The following GRIA1 variants were observed in gnomAD, a reference collection of about 807,000 sequenced individuals.
GRIA1 encodes the protein glutamate receptor 1.
GRIA1 carries 31 observed loss-of-function variants against 99.2 expected under a neutral mutation model. The ratio of observed to expected loss-of-function variants is 0.31; its 90% CI spans 0.23 to 0.42. The LOEUF (loss-of-function observed/expected upper bound fraction) is 0.42, where lower values mean the gene tolerates loss of function less well. Ranked by LOEUF, GRIA1 falls within the 10% of genes least tolerant of loss-of-function variation. The pLI is 1.00. For synonymous variants in GRIA1, 438 were observed against 432.4 expected, an observed-to-expected ratio of 1.01 and a Z score of -0.16; for missense variants, 782 against 1,157.5, an observed-to-expected ratio of 0.68 and a Z score of 4.71.
intron 11 of GRIA1, among the ~76,000 whole-genome samples, chr5:153,741,293 C>T (rs1332723675): frequency 2.0e-5 from 3 of 152,118 alleles, no homozygotes; most frequent in Non-Finnish European, 4.4e-5. Flanking sequence ...AATTCTTATA[C>T]ACTGTGAGTG....
intron 5 of GRIA1, among the ~76,000 whole-genome samples, chr5:153,668,971 T>C (rs1352369281): frequency 6.6e-6 from 1 of 152,192 alleles, no homozygotes; most frequent in Non-Finnish European, 1.5e-5. Context: ...TAGAACACAT[T>C]TGTGAAGAAG....
chr5:153,578,590 G>A (rs750560397), intron 2 of GRIA1, among the ~76,000 whole-genome samples: 6 of 152,160 alleles, frequency 3.9e-5, no homozygotes, highest in African/African-American at 7.2e-5. Context: ...AGTAGAAAGG[G>A]ATGTGGTCTC....
At chr5:153,705,371 T>C (rs1329469907) in intron 10 of GRIA1, among the ~76,000 whole-genome samples, 2 of 152,260 alleles carry the variant, frequency 1.3e-5, no homozygotes, top group South Asian at 2.1e-4. Flanking sequence ...AGAATGGTTC[T>C]CCTGCCAGAG....
At chr5:153,499,445 C>G (rs1281454863) in intron 2 of GRIA1, among the ~76,000 whole-genome samples, 1 of 151,726 alleles carries the variant, frequency 6.6e-6, no homozygotes, top group African/African-American at 2.4e-5. Flanking sequence ...GAAACCCCAT[C>G]TCTACTAAAA....
At chr5:153,559,739 A>G (rs1003659024) in intron 2 of GRIA1, among the ~76,000 whole-genome samples, 2 of 152,126 alleles carry the variant, frequency 1.3e-5, no homozygotes, top group Non-Finnish European at 2.9e-5. Context: ...CTCTATTATA[A>G]TCTTATGGGA....
At chr5:153,774,984 C>A (rs1352128478) in intron 13 of GRIA1, among the ~76,000 whole-genome samples, 2 of 152,144 alleles carry the variant, frequency 1.3e-5, no homozygotes, top group African/African-American at 4.8e-5. Flanking sequence ...TGTTGGCTGT[C>A]ACTGCATGTT....
At chr5:153,697,979 C>T (rs1758234904) in intron 8 of GRIA1, 65 bp from the exon 9 acceptor site, 1 of 808,916 alleles carries the variant, frequency 1.2e-6, no homozygotes. Flanking sequence ...GACTGGGTGA[C>T]CCAGAGCAGG....
At chr5:153,752,722 G>A (rs1194067167) in intron 11 of GRIA1, among the ~76,000 whole-genome samples, 2 of 152,106 alleles carry the variant, frequency 1.3e-5, no homozygotes, top group African/African-American at 4.8e-5. Flanking sequence ...TAAATAGTAT[G>A]GTACTCACAA....
chr5:153,645,425 C>T (rs963437080), intron 2 of GRIA1, among the ~76,000 whole-genome samples: 5 of 152,146 alleles, frequency 3.3e-5, no homozygotes, highest in African/African-American at 1.2e-4. Context: ...TGGTTAATTG[C>T]ATTCTTTATT....
Position 153,811,461 on chromosome 5 carries a change from C to T in GRIA1, c.*236C>T. 2 of 485,140 alleles carry T rather than the reference C, an allele frequency of 4.1e-6. No homozygotes were observed. The highest frequency in any genetic ancestry group is 3.3e-5 in the Admixed American group (1 of 30,248). The allele number at this position is 485,140 out of a possible 1,614,324, so 30.1% of individuals were successfully genotyped here. ...TTGCTAAGTGAGGATGAAAAAATAA[C>T]ACTGTACTGCAATAAGGGGAGAGTA... On this transcript the variant is annotated 3_prime_UTR_variant, in exon 16 of 16. Transcript: ENST00000285900.
At chr5:153,730,335 A>G (rs1760915628) in intron 11 of GRIA1, among the ~76,000 whole-genome samples, 2 of 152,074 alleles carry the variant, frequency 1.3e-5, no homozygotes, top group Non-Finnish European at 2.9e-5. Context: ...CTATAACTCC[A>G]GCACCTCCCA....
At chr5:153,655,934 T>C in intron 5 of GRIA1, 62 bp downstream of exon 5, 2 of 1,422,668 alleles carry the variant, frequency 1.4e-6, no homozygotes, top group Non-Finnish European at 2.0e-6. Context: ...CCTACCTTGC[T>C]TCTGTTGTCC....
chr5:153,731,905 C>T (rs1453384621), intron 11 of GRIA1, among the ~76,000 whole-genome samples: 1 of 151,996 alleles, frequency 6.6e-6, no homozygotes, highest in Non-Finnish European at 1.5e-5. Flanking sequence ...TCTTATTTCC[C>T]CCATTCCATG....
chr5:153,489,680 G>A (rs879211897), upstream of GRIA1: 122 of 405,486 alleles, frequency 3.0e-4, 1 homozygote, highest in South Asian at 1.6e-3. Flanking sequence ...CCTGAACACA[G>A]CTGATCTCTC....
intron 2 of GRIA1, among the ~76,000 whole-genome samples, chr5:153,543,910 G>C (rs1759366010): frequency 6.6e-6 from 1 of 152,080 alleles, no homozygotes; most frequent in South Asian, 2.1e-4. Context: ...GCAAATGCCA[G>C]GTGAAATATA....
intron 2 of GRIA1, among the ~76,000 whole-genome samples, chr5:153,511,417 T>C (rs748183358): frequency 6.6e-6 from 1 of 152,112 alleles, no homozygotes; most frequent in Non-Finnish European, 1.5e-5. Flanking sequence ...TTTTAGTACG[T>C]TAATAAAGGG....
chr5:153,519,082 G>A (rs373075003), intron 2 of GRIA1, among the ~76,000 whole-genome samples: 2 of 152,186 alleles, frequency 1.3e-5, no homozygotes, highest in East Asian at 3.9e-4. Flanking sequence ...GGCTAACACC[G>A]TGAAACCCCG....
intron 2 of GRIA1, among the ~76,000 whole-genome samples, chr5:153,537,964 G>C (rs1330907407): frequency 6.6e-6 from 1 of 152,174 alleles, no homozygotes; most frequent in African/African-American, 2.4e-5. Context: ...CACCTAGAAG[G>C]GGGAGGCACC....
Position 153,764,554 on chromosome 5 carries a change from G to A in GRIA1, c.1944G>A (p.Glu648=), listed in dbSNP as rs1315416114. 2 of 1,614,012 alleles carry A rather than the reference G, an allele frequency of 1.2e-6. No individual in the cohort carries two copies. The highest frequency in any genetic ancestry group is 1.7e-6 in the Non-Finnish European group (2 of 1,179,858). ...TGGAGAGGATGGTGTCTCCCATTGAGAGTGCAGAGGACCTAGCGAAGCAGA... is the reference window on the plus strand; with the variant it reads ...TGGAGAGGATGGTGTCTCCCATTGAAAGTGCAGAGGACCTAGCGAAGCAGA... The part of the protein sequence containing the change: ...LTVERMVSPI[E]SAEDLAKQTE... Residue 648 remains glutamate (E), a synonymous_variant, in exon 12 of 16, where the codon GAG becomes GAA. Transcript: ENST00000285900.
Sources: allele counts gnomAD v4.1 joint callset (sites outside exome capture counted in the v4.1 genomes callset), GRCh38; gene constraint gnomAD v4.1.1; transcripts MANE v1.5; gene names NCBI Gene and HGNC (gene_info 2026-07-23, HGNC 2026-07-21).